FAM149A: variants seen among roughly 807,000 people sequenced by gnomAD.
The protein encoded by FAM149A is protein FAM149A.
A neutral mutation model predicts 78.2 loss-of-function variants in FAM149A; 71 were observed. The ratio of observed to expected loss-of-function variants is 0.91; its 90% CI spans 0.75 to 1.11. The LOEUF is 1.11. Among genes scored for constraint, FAM149A ranks in the 50% least tolerant of loss-of-function variants. FAM149A has a pLI of 0.00. For missense variants in FAM149A, 1,036 were observed against 971.0 expected, an observed-to-expected ratio of 1.07 and a Z score of -0.89; for synonymous variants, 446 against 410.5, an observed-to-expected ratio of 1.09 and a Z score of -1.04.
chr4:186,150,459 G>T (rs557308026), intron 3 of FAM149A, among the ~76,000 whole-genome samples: 238 of 101,608 alleles, frequency 2.3e-3, no homozygotes, highest in Admixed American at 2.9e-3. Context: ...TCGCTCTGTC[G>T]CCCAGGCTGG....
At chr4:186,154,028 T>C (rs1388375674) in intron 5 of FAM149A, among the ~76,000 whole-genome samples, 1 of 152,160 alleles carries the variant, frequency 6.6e-6, no homozygotes, top group Non-Finnish European at 1.5e-5. Flanking sequence ...CCTTCCATGT[T>C]TGTTCCAAAG....
At chr4:186,125,993 AT>A in intron 1 of FAM149A, 3 of 985,322 alleles carry the variant, frequency 3.0e-6, no homozygotes, top group Non-Finnish European at 3.6e-6. Context: ...CAGGCCCCAA[AT>A]TCTAACCTCT....
intron 1 of FAM149A, among the ~76,000 whole-genome samples, chr4:186,141,383 A>T (rs1183316924): frequency 4.6e-5 from 7 of 152,184 alleles, no homozygotes; most frequent in Admixed American, 3.9e-4. Context: ...ATTAGATTAA[A>T]ATATATCATT....
chr4:186,122,250 G>T (rs1044042100), intron 1 of FAM149A, among the ~76,000 whole-genome samples: 2 of 152,182 alleles, frequency 1.3e-5, no homozygotes, highest in East Asian at 1.9e-4. Context: ...TCTGGGGAAA[G>T]GCGGAAGAAC....
At chr4:186,120,129 C>T (rs2099315351) in intron 1 of FAM149A, among the ~76,000 whole-genome samples, 1 of 152,306 alleles carries the variant, frequency 6.6e-6, no homozygotes, top group African/African-American at 2.4e-5. Flanking sequence ...AGCCAGGGTT[C>T]TTAGCATTTG....
Position 186,104,912 on chromosome 4 carries a change from G to A in FAM149A, c.-165G>A, listed in dbSNP as rs1226807249. Reference sequence around the variant, plus strand: ...CCCGGGCCGGGGAAGGGCGACCCCAGCGGCGCGGAGCTGAGCGTCCTCGGG... The same window carrying A: ...CCCGGGCCGGGGAAGGGCGACCCCAACGGCGCGGAGCTGAGCGTCCTCGGG... On this transcript the variant is annotated 5_prime_UTR_variant, in exon 1 of 14. Transcript: ENST00000389354. 5.2e-6 allele frequency: 5 copies of A among 964,114 alleles called. No individual in the cohort carries two copies. The highest frequency in any genetic ancestry group is 6.2e-6 in the Non-Finnish European group (5 of 810,732). The allele number at this position is 964,114 out of a possible 1,614,324, so 59.7% of individuals were successfully genotyped here. A position where few individuals can be genotyped will look rare whatever the true frequency, so the allele number is the denominator to read the frequency against.
At chr4:186,132,908 A>AT (rs2099321328) in intron 1 of FAM149A, 1 of 947,526 alleles carries the variant, frequency 1.1e-6, no homozygotes, top group Non-Finnish European at 1.3e-6. Context: ...CTTTCCCTAA[A>AT]TTCATGTTCA....
intron 1 of FAM149A, chr4:186,110,274 G>A (rs926909180): frequency 1.0e-6 from 1 of 985,220 alleles, no homozygotes; most frequent in African/African-American, 1.7e-5. Context: ...ATTGTCTTAG[G>A]TCTTTTTGTT....
At chr4:186,166,732 GTT>G (rs56129279) in intron 11 of FAM149A, among the ~76,000 whole-genome samples, 2 of 150,420 alleles carry the variant, frequency 1.3e-5, no homozygotes, top group African/African-American at 2.4e-5. Flanking sequence ...TTTTCTTAAG[GTT>G]TTTTTTATCT....
intron 13 of FAM149A, chr4:186,169,514 T>C: frequency 1.0e-6 from 1 of 984,614 alleles, no homozygotes; most frequent in African/African-American, 1.8e-5. Context: ...GAAAGCTCTT[T>C]CTTTCCTCCT....
intron 1 of FAM149A, among the ~76,000 whole-genome samples, chr4:186,136,961 TCTTTCTCTCTCTCTTTCTCTC>T (rs2099323168): frequency 1.4e-4 from 15 of 103,952 alleles, no homozygotes; most frequent in African/African-American, 6.3e-4. Flanking sequence ...TCTCTCTCTC[TCTTTCTCTCTCTCTTTCTCTC>T]TCTCTCTCTC....
chr4:186,163,445 A>G lies in FAM149A; in HGVS notation c.1701A>G (p.Ala567=). The G allele has an allele frequency of 2.5e-6, 4 of 1,613,860 alleles. No homozygotes were observed. Among genetic ancestry groups the G allele is most frequent in the Admixed American group, 3.3e-5 (2 of 60,026 alleles). ...CCAGGAATGAGAAGGAGGACAAAGC[A>G]TCGGGTGGAGGGGCAGGTGCTCTCT... Residue 567 remains alanine (A), a synonymous_variant, in exon 10 of 14, where the codon GCA becomes GCG. Transcript: ENST00000389354.
chr4:186,159,584 T>A (rs1311656106), intron 8 of FAM149A, among the ~76,000 whole-genome samples: 2 of 151,584 alleles, frequency 1.3e-5, no homozygotes, highest in Admixed American at 1.3e-4. Flanking sequence ...TGAACTTTAG[T>A]GTCCTTAGCT....
At chr4:186,167,516 A>C (rs1245850840) in intron 13 of FAM149A, 2 of 267,064 alleles carry the variant, frequency 7.5e-6, no homozygotes, top group Non-Finnish European at 1.4e-5. Flanking sequence ...TCACTCAAAA[A>C]AAAAAAAAAA....
intron 5 of FAM149A, 30 bp downstream of exon 5, chr4:186,153,800 T>C: frequency 6.4e-7 from 1 of 1,564,174 alleles, no homozygotes; most frequent in Non-Finnish European, 8.7e-7. Context: ...TCTCAAAAAG[T>C]ATTGTTAGCT....
chr4:186,146,435 C>G (rs777337607), intron 1 of FAM149A: 4 of 984,956 alleles, frequency 4.1e-6, no homozygotes, highest in Non-Finnish European at 4.8e-6. Context: ...CAGTGGGAAG[C>G]CTGGTCCTGG....
In FAM149A at chr4:186,104,715, C is replaced by A. The variant is rs2099308042; in HGVS notation, c.-362C>A. Among the ~76,000 whole-genome samples, 1 of 148,432 alleles carries A rather than the reference C, an allele frequency of 6.7e-6. No homozygotes were observed. The highest frequency in any genetic ancestry group is 1.5e-5 in the Non-Finnish European group (1 of 67,094). The stretch of plus-strand genomic sequence containing the variant: ...CCTGGGGCCCAATTAGCCTGGAGCG[C>A]GGCCGGGTGTGTTGAACGTAGCAAC... On this transcript the variant is annotated 5_prime_UTR_variant, in exon 1 of 14. Coordinates refer to ENST00000389354, the MANE Select transcript of FAM149A (RefSeq NM_001367768.3).
chr4:186,105,629 G>T lies in FAM149A; in HGVS notation c.553G>T (p.Gly185Trp). 1 of 1,061,792 alleles carries T rather than the reference G, an allele frequency of 9.4e-7. No homozygotes were observed. The highest frequency in any genetic ancestry group is 1.1e-6 in the Non-Finnish European group (1 of 873,166). The allele number at this position is 1,061,792 out of a possible 1,614,324, so 65.8% of individuals were successfully genotyped here. A position where few individuals can be genotyped will look rare whatever the true frequency, so the allele number is the denominator to read the frequency against. Reference sequence around the variant, plus strand: ...GGAGGGGGCCTCGGACGGCGACTCCGGGGATGGCGAAGCGTGAGTAGCAGC... The same window carrying T: ...GGAGGGGGCCTCGGACGGCGACTCCTGGGATGGCGAAGCGTGAGTAGCAGC... The change falls in exon 1 of 14, where the codon GGG becomes TGG. Residue 185 changes from glycine (G) to tryptophan (W), a missense_variant. Physicochemically the swap from Gly to Trp is radical, Grantham distance 184. Coordinates refer to ENST00000389354, the MANE Select transcript of FAM149A (RefSeq NM_001367768.3).
At chr4:186,147,571 T>C (rs1042461382) in intron 1 of FAM149A, among the ~76,000 whole-genome samples, 3 of 152,234 alleles carry the variant, frequency 2.0e-5, no homozygotes, top group African/African-American at 7.2e-5. Flanking sequence ...TCTGTAGATA[T>C]GTATCACAAA....
Sources: gnomAD v4.1 joint callset for allele counts (sites outside exome capture counted in the v4.1 genomes callset) on GRCh38, gnomAD v4.1.1 for gene constraint, MANE v1.5 for transcripts, NCBI Gene and HGNC (gene_info 2026-07-23, HGNC 2026-07-21) for gene names.